SH3RF1: variants seen among roughly 807,000 people sequenced by gnomAD.
The protein encoded by SH3RF1 is SH3 domain containing ring finger 1, also known as E3 ubiquitin-protein ligase SH3RF1.
In SH3RF1, 32 loss-of-function variants were observed where a neutral mutation model predicts 74.0. That is an observed-to-expected ratio of 0.43 (90% CI 0.33 to 0.58). SH3RF1 has a LOEUF of 0.58. Among genes scored for constraint, SH3RF1 ranks in the 20% least tolerant of loss-of-function variants. SH3RF1 has a pLI of 0.05. For missense variants in SH3RF1, 954 were observed against 1,130.9 expected, an observed-to-expected ratio of 0.84 and a Z score of 2.24; for synonymous variants, 396 against 439.6, an observed-to-expected ratio of 0.90 and a Z score of 1.24.
At chr4:169,148,010 T>C (rs148733610) in intron 4 of SH3RF1, among the ~76,000 whole-genome samples, 766 of 39,992 alleles carry the variant, frequency 0.019, 6 homozygotes, top group African/African-American at 0.039. Context: ...AATTAGTTTG[T>C]GATTTTTCTC....
intron 2 of SH3RF1, among the ~76,000 whole-genome samples, chr4:169,203,071 T>C (rs546009415): frequency 6.6e-6 from 1 of 152,326 alleles, no homozygotes; most frequent in African/African-American, 2.4e-5. Context: ...GAAACCTGTT[T>C]ATTGTTAAGA....
intron 4 of SH3RF1, among the ~76,000 whole-genome samples, chr4:169,154,660 A>C (rs1259361327): frequency 6.6e-6 from 1 of 152,168 alleles, no homozygotes; most frequent in Non-Finnish European, 1.5e-5. Flanking sequence ...TATCCATCAC[A>C]CAGATATCTA....
Position 169,156,526 on chromosome 4 carries a change from A to G in SH3RF1, c.547T>C (p.Phe183Leu). Residue 183 changes from phenylalanine (F) to leucine (L), a missense_variant, in exon 3 of 12, where the codon TTC becomes CTC. Phe to Leu is a conservative substitution (Grantham distance 22). Around this residue, in one of 3 missense-constraint regions of SH3RF1, gnomAD observed 854 missense variants for 962.5 expected, o/e 0.89. Transcript: ENST00000284637. The stretch of plus-strand genomic sequence containing the variant: ...ATAATCTGCACAAAGTTGGTGGGGA[A>G]AAAGCCATGGATTCCATTGACTTCC... ...HGEVNGIHGF[F>L]PTNFVQIIKP... The G allele has an allele frequency of 6.2e-7, 1 of 1,614,130 alleles. No individual in the cohort carries two copies. Among genetic ancestry groups the G allele is most frequent in the East Asian group, 2.2e-5 (1 of 44,876 alleles).
At chr4:169,240,539 T>C (rs1421817328) in intron 2 of SH3RF1, among the ~76,000 whole-genome samples, 1 of 152,176 alleles carries the variant, frequency 6.6e-6, no homozygotes, top group Non-Finnish European at 1.5e-5. Context: ...TGAGAAACTG[T>C]TCAATTTAAA....
intron 2 of SH3RF1, among the ~76,000 whole-genome samples, chr4:169,244,591 G>A (rs1730963290): frequency 6.6e-6 from 1 of 152,078 alleles, no homozygotes; most frequent in South Asian, 2.1e-4. Context: ...AACCAGCACT[G>A]CTTGGCAGAG....
In SH3RF1 at chr4:169,096,523, A is replaced by C. The variant is rs1432178183; in HGVS notation, c.2663T>G (p.Ile888Arg). ...GCTTCTTCAGTGTCAGTCTCCTCAT[A>C]TGTTTTCCACAAAGCTTCCTGGGAA... ...GLFPGSFVENI is the reference protein window; with the variant it reads ...GLFPGSFVENR The change falls in exon 12 of 12, where the codon ATA (isoleucine) becomes AGA (arginine). Residue 888 changes from isoleucine (I) to arginine (R), a missense_variant. Around this residue, in one of 3 missense-constraint regions of SH3RF1, gnomAD observed 36 missense variants for 66.5 expected, o/e 0.54. Transcript: ENST00000284637. The C allele has an allele frequency of 6.2e-7, 1 of 1,613,564 alleles. No individual in the cohort carries two copies. The highest frequency in any genetic ancestry group is 1.7e-5 in the Admixed American group (1 of 59,912).
chr4:169,137,246 C>T (rs1733716087), intron 4 of SH3RF1, among the ~76,000 whole-genome samples: 1 of 152,256 alleles, frequency 6.6e-6, no homozygotes, highest in South Asian at 2.1e-4. Context: ...CCTATGTGCA[C>T]GTACTTTAAA....
rs554614204 is a variant in SH3RF1 at position 169,250,912 on chromosome 4, A to G, written c.393+17908T>C. Among the ~76,000 whole-genome samples, 5 of 152,312 alleles carry G rather than the reference A, an allele frequency of 3.3e-5. No individual in the cohort carries two copies. The South Asian group carries it at 1.0e-3, about 32-fold the overall frequency. On this transcript the variant is annotated intron_variant, in intron 2 of 11. Coordinates refer to ENST00000284637, the MANE Select transcript of SH3RF1 (RefSeq NM_020870.4). ...GAGCAAGCCATGTTGAGACCTGGGT[A>G]AAAGCTGACCTTCCTTCCAGGCAGG...
At chr4:169,203,236 A>T (rs996971557) in intron 2 of SH3RF1, among the ~76,000 whole-genome samples, 1 of 152,202 alleles carries the variant, frequency 6.6e-6, no homozygotes, top group Admixed American at 6.5e-5. Flanking sequence ...TGCTCTTTGT[A>T]GTTGAAAGAG....
At chr4:169,161,846 G>C (rs183575853) in intron 2 of SH3RF1, among the ~76,000 whole-genome samples, 2 of 152,330 alleles carry the variant, frequency 1.3e-5, no homozygotes, top group East Asian at 3.9e-4. Context: ...ACCACACAGA[G>C]TAAGAAGTAG....
intron 2 of SH3RF1, among the ~76,000 whole-genome samples, chr4:169,243,393 A>G (rs572207403): frequency 3.7e-4 from 56 of 152,306 alleles, no homozygotes; most frequent in African/African-American, 1.3e-3. Flanking sequence ...CATGCCTGTA[A>G]TCCCAGCTAC....
chr4:169,227,636 T>C (rs533848569), intron 2 of SH3RF1, among the ~76,000 whole-genome samples: 2 of 152,342 alleles, frequency 1.3e-5, no homozygotes, highest in African/African-American at 4.8e-5. Context: ...ATGCATTATT[T>C]ATTTTACTAT....
intron 2 of SH3RF1, among the ~76,000 whole-genome samples, chr4:169,212,444 A>G (rs995214621): frequency 1.3e-5 from 2 of 152,218 alleles, no homozygotes; most frequent in African/African-American, 2.4e-5. Flanking sequence ...TTGATACAAG[A>G]GAATGACACA....
At chr4:169,179,364 G>A (rs1041778331) in intron 2 of SH3RF1, among the ~76,000 whole-genome samples, 2 of 152,194 alleles carry the variant, frequency 1.3e-5, no homozygotes, top group African/African-American at 2.4e-5. Context: ...TTGGCCCAGG[G>A]AGACCTGTGT....
intron 2 of SH3RF1, among the ~76,000 whole-genome samples, chr4:169,242,163 A>T (rs1228333061): frequency 1.3e-5 from 2 of 152,110 alleles, no homozygotes; most frequent in Non-Finnish European, 2.9e-5. Flanking sequence ...TATAATGCTA[A>T]ATGATTCTTT....
intron 11 of SH3RF1, among the ~76,000 whole-genome samples, chr4:169,102,171 T>A (rs910345952): frequency 2.0e-5 from 3 of 152,196 alleles, no homozygotes; most frequent in African/African-American, 7.2e-5. Flanking sequence ...CAATCTAATA[T>A]TCAATTAAGT....
intron 2 of SH3RF1, among the ~76,000 whole-genome samples, chr4:169,157,889 C>T (rs1734085219): frequency 2.0e-5 from 3 of 151,304 alleles, no homozygotes; most frequent in African/African-American, 7.3e-5. Context: ...TGCAGGCAAG[C>T]ACCACTATGT....
intron 2 of SH3RF1, among the ~76,000 whole-genome samples, chr4:169,244,033 C>A (rs759628778): frequency 1.6e-4 from 24 of 152,306 alleles, no homozygotes; most frequent in South Asian, 6.2e-4. Flanking sequence ...TTTTGAACTG[C>A]ATTCCTGTTC....
chr4:169,116,470 G>T lies in SH3RF1; in HGVS notation c.1938C>A (p.Ala646=). 1.9e-6 allele frequency: 3 copies of T among 1,613,998 alleles called. No homozygotes were observed. The highest frequency in any genetic ancestry group is 2.5e-6 in the Non-Finnish European group (3 of 1,179,964). ...GGGCACTGGCTCGACTGATACTGAT[G>T]GCAGCAGTGTGCGTGGCTGAGCCTG... ...LMPGSATHTA[A]ISISRASAPL... Residue 646 remains alanine, a synonymous_variant, in exon 10 of 12, where the codon GCC becomes GCA. Transcript: ENST00000284637.
Sources: gnomAD v4.1 joint callset for allele counts (sites outside exome capture counted in the v4.1 genomes callset) on GRCh38, gnomAD v4.1.1 for gene constraint, gnomAD v4.1.1 regional missense constraint, MANE v1.5 for transcripts, NCBI Gene and HGNC (gene_info 2026-07-23, HGNC 2026-07-21) for gene names.